The following PIP4K2C variants were observed in gnomAD, a reference collection of about 807,000 sequenced individuals.
PIP4K2C encodes the protein phosphatidylinositol 5-phosphate 4-kinase type-2 gamma.
In PIP4K2C, 21 loss-of-function variants were observed where a neutral mutation model predicts 45.0. The ratio of observed to expected loss-of-function variants is 0.47; its 90% CI spans 0.33 to 0.67. PIP4K2C has a LOEUF of 0.67. Ranked by LOEUF, PIP4K2C falls within the 30% of genes least tolerant of loss-of-function variation. The pLI, the probability that PIP4K2C is intolerant of heterozygous loss-of-function variation, is 0.02. For missense variants in PIP4K2C, 456 were observed against 542.8 expected (o/e 0.84, Z 1.59); for synonymous variants, 201 against 204.8 (o/e 0.98, Z 0.16).
At chr12:57,600,472 T>G in intron 7 of PIP4K2C, 35 bp downstream of exon 7, 1 of 1,434,786 alleles carries the variant, frequency 7.0e-7, no homozygotes, top group Non-Finnish European at 9.8e-7. Context: ...TGGCTTTCCT[T>G]TTTTTGCTCC....
chr12:57,601,377 C>T (rs773257692), intron 9 of PIP4K2C, 29 bp downstream of exon 9: 1 of 1,578,598 alleles, frequency 6.3e-7, no homozygotes, highest in South Asian at 1.1e-5. Flanking sequence ...CTTTCCTTTC[C>T]TGTCTTGACT....
chr12:57,601,393 T>C, intron 9 of PIP4K2C, 45 bp downstream of exon 9: 5 of 1,561,716 alleles, frequency 3.2e-6, no homozygotes, highest in Non-Finnish European at 4.4e-6. Flanking sequence ...TGACTATTCT[T>C]TGGGAATAGA....
chr12:57,600,457 G>A lies in PIP4K2C; in HGVS notation c.813+20G>A. The A allele has an allele frequency of 1.3e-6, 2 of 1,531,370 alleles. No individual in the cohort carries two copies. Among genetic ancestry groups the A allele is most frequent in the Non-Finnish European group, 1.8e-6 (2 of 1,107,792 alleles). The allele number at this position is 1,531,370 out of a possible 1,614,324, so 94.9% of individuals were successfully genotyped here. ...GTGGAGGTGATGATTGGGTGCTCTG[G>A]GAAATGGCTTTCCTTTTTTTGCTCC... On this transcript the variant is annotated intron_variant, in intron 7 of 9. Transcript: ENST00000354947.
chr12:57,600,751 G>T, intron 7 of PIP4K2C, 60 bp from the exon 8 acceptor site: 1 of 1,598,494 alleles, frequency 6.3e-7, no homozygotes, highest in East Asian at 2.2e-5. Flanking sequence ...TACAGGTACA[G>T]GGGTGATACC....
intron 1 of PIP4K2C, among the ~76,000 whole-genome samples, chr12:57,592,315 C>G (rs1360002440): frequency 1.3e-5 from 2 of 152,148 alleles, no homozygotes; most frequent in African/African-American, 4.8e-5. Flanking sequence ...CATCTTCCGT[C>G]AGGTCTGGAG....
chr12:57,598,533 A>C (rs1284061047), intron 4 of PIP4K2C, among the ~76,000 whole-genome samples: 2 of 147,794 alleles, frequency 1.4e-5, no homozygotes, highest in Admixed American at 6.8e-5. Context: ...CCAAAAAAAA[A>C]AAAAAAAAAA....
chr12:57,601,763 CT>C lies in PIP4K2C; in HGVS notation c.*160del. 1.5e-6 allele frequency: 1 copy of C among 648,770 alleles called. No homozygotes were observed. The highest frequency in any genetic ancestry group is 2.7e-6 in the Non-Finnish European group (1 of 364,482). The allele number at this position is 648,770 out of a possible 1,614,324, so 40.2% of individuals were successfully genotyped here. A position where few individuals can be genotyped will look rare whatever the true frequency, so the allele number is the denominator to read the frequency against. Reference sequence around the variant, plus strand: ...ATAACTCCATCCTGTCGAGTAGGCTCTTTCTGACCCTCAGAAATACATTGTC... The same window carrying C: ...ATAACTCCATCCTGTCGAGTAGGCTCTTCTGACCCTCAGAAATACATTGTC... On this transcript the variant is annotated 3_prime_UTR_variant, in exon 10 of 10. Transcript: ENST00000354947.
At chr12:57,597,695 A>G (rs1394716208) in intron 4 of PIP4K2C, among the ~76,000 whole-genome samples, 1 of 152,236 alleles carries the variant, frequency 6.6e-6, no homozygotes, top group African/African-American at 2.4e-5. Context: ...ATGAGCCCAT[A>G]AAGGAAACTA....
intron 1 of PIP4K2C, among the ~76,000 whole-genome samples, chr12:57,592,391 G>A (rs1883001598): frequency 6.6e-6 from 1 of 152,232 alleles, no homozygotes; most frequent in South Asian, 2.1e-4. Context: ...CTTGAATATA[G>A]TCATGGCTAG....
At chr12:57,599,510 A>G in intron 6 of PIP4K2C, 72 bp downstream of exon 6, 1 of 1,510,692 alleles carries the variant, frequency 6.6e-7, no homozygotes, top group East Asian at 2.3e-5. Flanking sequence ...ACTTCTTAGG[A>G]TGGAGAGGCC....
At chr12:57,596,097 C>A in intron 4 of PIP4K2C, 66 bp downstream of exon 4, 1 of 1,527,680 alleles carries the variant, frequency 6.5e-7, no homozygotes, top group Non-Finnish European at 9.0e-7. Flanking sequence ...CAGCTATTGT[C>A]AGTAATAGAT....
At chr12:57,593,004 C>T (rs1270678196) in intron 1 of PIP4K2C, among the ~76,000 whole-genome samples, 1 of 150,706 alleles carries the variant, frequency 6.6e-6, no homozygotes, top group Non-Finnish European at 1.5e-5. Context: ...GGTTAGACTG[C>T]AGTTCATAGC....
rs1288070189 is a variant in PIP4K2C, at chr12:57,594,107, A to G, written c.257A>G (p.Asn86Ser). 4.3e-6 allele frequency: 7 copies of G among 1,613,688 alleles called. No homozygotes were observed. The highest frequency in any genetic ancestry group is 2.2e-5 in the East Asian group (1 of 44,888). Residue 86 changes from asparagine (N) to serine (S), a missense_variant, in exon 2 of 10, where the codon AAT becomes AGT. By Grantham distance (46) the Asn-to-Ser change is conservative. Around this residue, in one of 2 missense-constraint regions of PIP4K2C, gnomAD observed 421 missense variants for 473.1 expected, o/e 0.89. Transcript: ENST00000354947. ...FKASSKIKVN[N>S]HLFHRENLPS... ...GCCAGCTCCAAGATCAAGGTCAACAATCACCTTTTCCACAGGTAAGTGATG... is the reference window on the plus strand; with the variant it reads ...GCCAGCTCCAAGATCAAGGTCAACAGTCACCTTTTCCACAGGTAAGTGATG...
At chr12:57,597,601 T>C (rs1226368090) in intron 4 of PIP4K2C, among the ~76,000 whole-genome samples, 3 of 152,164 alleles carry the variant, frequency 2.0e-5, no homozygotes, top group African/African-American at 7.2e-5. Flanking sequence ...AAACCATGGC[T>C]ATAGATACGA....
intron 7 of PIP4K2C, 66 bp from the exon 8 acceptor site, chr12:57,600,745 G>T: frequency 6.3e-7 from 1 of 1,586,660 alleles, no homozygotes; most frequent in South Asian, 1.1e-5. Context: ...CAAAGGTACA[G>T]GTACAGGGGT....
rs1488548657 is a variant in PIP4K2C, at chr12:57,602,507, G to A, written c.*901G>A. 1.3e-5 allele frequency: 2 copies of A among 152,140 alleles called. No homozygotes were observed. Among genetic ancestry groups the A allele is most frequent in the African/African-American group, 4.8e-5 (2 of 41,410 alleles). The allele number at this position is 152,140 out of a possible 1,614,324, so 9.4% of individuals were successfully genotyped here. A position where few individuals can be genotyped will look rare whatever the true frequency, so the allele number is the denominator to read the frequency against. On this transcript the variant is annotated 3_prime_UTR_variant, in exon 10 of 10. Coordinates refer to ENST00000354947, the MANE Select transcript of PIP4K2C (RefSeq NM_024779.5). Reference sequence around the variant, plus strand: ...GTGTAGGATTCATTCTCCATGTAAAGTTTCCTTTCATCCTGCCTAGCCATC... The same window carrying A: ...GTGTAGGATTCATTCTCCATGTAAAATTTCCTTTCATCCTGCCTAGCCATC...
At position 57,600,899 on chromosome 12, in the gene PIP4K2C, C is replaced by T; in HGVS notation, c.902C>T (p.Pro301Leu). ...GGCTCTGAACCAGAGGAGGAAGCGC[C>T]CGTGCGGGAGGATGAGTCAGAGGTG... ...IRGSEPEEEA[P>L]VREDESEVDG... The change falls in exon 8 of 10, where the codon CCC becomes CTC. Residue 301 changes from proline (P) to leucine (L), a missense_variant. Pro to Leu is a moderately conservative substitution (Grantham distance 98). Coordinates refer to ENST00000354947, the MANE Select transcript of PIP4K2C (RefSeq NM_024779.5). 1 of 1,614,156 alleles carries T rather than the reference C, an allele frequency of 6.2e-7. No individual in the cohort carries two copies. Among genetic ancestry groups the T allele is most frequent in the Non-Finnish European group, 8.5e-7 (1 of 1,180,040 alleles).
chr12:57,601,134 G>C, intron 8 of PIP4K2C, 56 bp downstream of exon 8: 3 of 1,604,036 alleles, frequency 1.9e-6, no homozygotes, highest in Non-Finnish European at 2.6e-6. Flanking sequence ...GGAGGACAGA[G>C]ACCAGAGTGC....
In PIP4K2C at chr12:57,600,803, G is replaced by T. The variant is rs1465971346; in HGVS notation, c.814-8G>T. The T allele has an allele frequency of 5.6e-6, 9 of 1,613,704 alleles. No individual in the cohort carries two copies. Among genetic ancestry groups the T allele is most frequent in the Non-Finnish European group, 6.8e-6 (8 of 1,179,852 alleles). Reference sequence around the variant, plus strand: ...GAGAGAGGTGTCTGATTTGTCAGTGGGTCTCAGTTTCTAGTGCAGCTGAAG... The same window carrying T: ...GAGAGAGGTGTCTGATTTGTCAGTGTGTCTCAGTTTCTAGTGCAGCTGAAG... On this transcript the variant is annotated splice_region_variant and splice_polypyrimidine_tract_variant and intron_variant, in intron 7 of 9. Transcript: ENST00000354947.
Sources: gnomAD v4.1 joint callset for allele counts (sites outside exome capture counted in the v4.1 genomes callset) on GRCh38, gnomAD v4.1.1 for gene constraint, gnomAD v4.1.1 regional missense constraint, MANE v1.5 for transcripts, NCBI Gene and HGNC (gene_info 2026-07-23, HGNC 2026-07-21) for gene names.